The following CCDC170 variants were observed in gnomAD, a reference collection of about 807,000 sequenced individuals.
CCDC170 encodes coiled-coil domain-containing protein 170.
A neutral mutation model predicts 72.6 loss-of-function variants in CCDC170; 69 were observed. The ratio of observed to expected loss-of-function variants is 0.95; its 90% CI spans 0.78 to 1.16. The LOEUF (loss-of-function observed/expected upper bound fraction) is 1.16. Ranked by LOEUF, CCDC170 falls within the 50% of genes most tolerant of loss-of-function variation. The pLI, the probability that CCDC170 is intolerant of heterozygous loss-of-function variation, is 0.00. For synonymous variants in CCDC170, 300 were observed against 303.9 expected, an observed-to-expected ratio of 0.99 and a Z score of 0.13; for missense variants, 852 against 832.5, an observed-to-expected ratio of 1.02 and a Z score of -0.29.
intron 1 of CCDC170, among the ~76,000 whole-genome samples, chr6:151,533,265 A>G (rs1782520245): frequency 6.6e-6 from 1 of 151,390 alleles, no homozygotes; most frequent in Non-Finnish European, 1.5e-5. Context: ...CATGTTAGCC[A>G]GGATGGTCTC....
chr6:151,495,577 G>T (rs1781897518), intron 1 of CCDC170, among the ~76,000 whole-genome samples: 1 of 151,324 alleles, frequency 6.6e-6, no homozygotes, highest in Admixed American at 6.6e-5. Context: ...GCTCGCCGCC[G>T]CCTTGACACC....
At chr6:151,523,257 C>T (rs112787955) in intron 1 of CCDC170, among the ~76,000 whole-genome samples, 49 of 152,262 alleles carry the variant, frequency 3.2e-4, no homozygotes, top group Middle Eastern at 3.4e-3. Flanking sequence ...ATTGAGTCTT[C>T]TTCAGGCAGA....
At chr6:151,561,227 T>A (rs9478219) in intron 5 of CCDC170, among the ~76,000 whole-genome samples, 4 of 151,796 alleles carry the variant, frequency 2.6e-5, no homozygotes, top group Non-Finnish European at 4.4e-5. Context: ...CCAATTATAC[T>A]CTTTTAGTTA....
At chr6:151,526,446 T>G (rs1351967784) in intron 1 of CCDC170, among the ~76,000 whole-genome samples, 1 of 151,934 alleles carries the variant, frequency 6.6e-6, no homozygotes, top group African/African-American at 2.4e-5. Flanking sequence ...GGTCTCAATC[T>G]CTTGACCTAG....
At chr6:151,559,737 T>C (rs942171150) in intron 5 of CCDC170, among the ~76,000 whole-genome samples, 1 of 152,222 alleles carries the variant, frequency 6.6e-6, no homozygotes, top group Non-Finnish European at 1.5e-5. Flanking sequence ...TTCGGATACA[T>C]AGAAATGTTC....
intron 5 of CCDC170, among the ~76,000 whole-genome samples, chr6:151,562,676 G>T (rs997033469): frequency 2.0e-5 from 3 of 152,178 alleles, no homozygotes; most frequent in African/African-American, 7.2e-5. Context: ...TTGTGGAATA[G>T]CACTAAGCTC....
At chr6:151,595,818 C>CA (rs147759823) in intron 8 of CCDC170, among the ~76,000 whole-genome samples, 25 of 147,618 alleles carry the variant, frequency 1.7e-4, no homozygotes, top group African/African-American at 5.4e-4. Flanking sequence ...GACCCTGTCT[C>CA]AAAAAAAAAA....
intron 9 of CCDC170, among the ~76,000 whole-genome samples, chr6:151,607,017 A>G (rs1009096359): frequency 1.3e-5 from 2 of 152,106 alleles, no homozygotes; most frequent in African/African-American, 4.8e-5. Flanking sequence ...TTGATTTCTT[A>G]TAGGCAGCAT....
chr6:151,503,009 A>C (rs985213457), intron 1 of CCDC170, among the ~76,000 whole-genome samples: 20 of 152,072 alleles, frequency 1.3e-4, no homozygotes, highest in Admixed American at 1.2e-3. Context: ...CTCTACTAAA[A>C]ATACAAAAAA....
Position 151,617,985 on chromosome 6 carries a change from C to T in CCDC170, c.1986C>T (p.Gly662=), listed in dbSNP as rs1377671977. The T allele has an allele frequency of 3.1e-6, 5 of 1,614,110 alleles. No homozygotes were observed. Among genetic ancestry groups the T allele is most frequent in the South Asian group, 2.2e-5 (2 of 91,070 alleles). Residue 662 remains glycine, a synonymous_variant, in exon 11 of 11, where the codon GGC becomes GGT. Transcript: ENST00000239374. ...DFREVVSQML[G]LNVTSLALPD... The stretch of plus-strand genomic sequence containing the variant: ...GGGAGGTGGTGTCGCAGATGCTAGG[C>T]TTGAACGTGACCAGCCTTGCTCTTC...
At chr6:151,582,329 G>T (rs1409280231) in intron 6 of CCDC170, among the ~76,000 whole-genome samples, 1 of 152,158 alleles carries the variant, frequency 6.6e-6, no homozygotes, top group Non-Finnish European at 1.5e-5. Context: ...TATGGAGATG[G>T]CTTCTTTCCT....
At chr6:151,589,277 A>C (rs1223590877) in intron 7 of CCDC170, among the ~76,000 whole-genome samples, 1 of 152,004 alleles carries the variant, frequency 6.6e-6, no homozygotes, top group South Asian at 2.1e-4. Context: ...CAAACAAACA[A>C]ACACAATAAA....
chr6:151,589,626 A>G (rs1776504398), intron 7 of CCDC170, among the ~76,000 whole-genome samples: 1 of 140,440 alleles, frequency 7.1e-6, no homozygotes, highest in South Asian at 2.2e-4. Flanking sequence ...AACACGGACT[A>G]GGGAAACAAC....
In CCDC170 at chr6:151,620,854, T is replaced by C. The variant is rs961664214; in HGVS notation, c.*2707T>C. 2 of 152,186 alleles carry C rather than the reference T, an allele frequency of 1.3e-5. No homozygotes were observed. The highest frequency in any genetic ancestry group is 1.9e-4 in the East Asian group (1 of 5,204). The allele number at this position is 152,186 out of a possible 1,614,324, so 9.4% of individuals were successfully genotyped here. ...ATCATTAATTTTATATCAGGATTCA[T>C]GTAAGAGACTAAAAATGATCCATAG... On this transcript the variant is annotated 3_prime_UTR_variant, in exon 11 of 11. Transcript: ENST00000239374.
intron 5 of CCDC170, among the ~76,000 whole-genome samples, chr6:151,560,057 A>G (rs752592300): frequency 2.0e-5 from 3 of 151,218 alleles, no homozygotes; most frequent in Non-Finnish European, 4.4e-5. Context: ...AGATCTTTCT[A>G]TGTTTTTGAT....
At position 151,518,961 on chromosome 6, in the gene CCDC170, G is replaced by A. The variant is rs541287021; in HGVS notation, c.58-17357G>A. Among the ~76,000 whole-genome samples, 11 of 152,316 alleles carry A rather than the reference G, an allele frequency of 7.2e-5. No homozygotes were observed. In the East Asian group the frequency reaches 1.9e-3, roughly 27 times the overall value. On this transcript the variant is annotated intron_variant, in intron 1 of 10. Transcript: ENST00000239374. ...ATCACAAGGCAAAGGGCAAAGCAAA[G>A]ATCACAAGGCAAAGGGCGAAATCAA...
intron 10 of CCDC170, among the ~76,000 whole-genome samples, chr6:151,616,352 G>C (rs893848268): frequency 6.6e-6 from 1 of 152,088 alleles, no homozygotes. Context: ...TCCATCAGGA[G>C]GTCAGGCGTA....
intron 9 of CCDC170, among the ~76,000 whole-genome samples, chr6:151,602,794 A>G (rs985507600): frequency 2.7e-5 from 4 of 148,608 alleles, no homozygotes; most frequent in African/African-American, 1.0e-4. Context: ...AGTCTCAGAT[A>G]TTTCTTTCTT....
At chr6:151,603,453 C>T (rs1334658888) in intron 9 of CCDC170, among the ~76,000 whole-genome samples, 20 of 152,192 alleles carry the variant, frequency 1.3e-4, no homozygotes, top group Non-Finnish European at 4.4e-5. Flanking sequence ...CCCAGGATAA[C>T]TACTAATTGG....
Sources: gnomAD v4.1 joint callset for allele counts (sites outside exome capture counted in the v4.1 genomes callset) on GRCh38, gnomAD v4.1.1 for gene constraint, MANE v1.5 for transcripts, NCBI Gene and HGNC (gene_info 2026-07-23, HGNC 2026-07-21) for gene names.